The following DAAM2 variants were observed in gnomAD, a reference collection of about 807,000 sequenced individuals.
DAAM2 encodes disheveled-associated activator of morphogenesis 2.
DAAM2 carries 39 observed loss-of-function variants against 120.7 expected under a neutral mutation model. The observed-to-expected ratio is 0.32, with a 90% CI of 0.25 to 0.42. DAAM2 has a LOEUF of 0.42. Among genes scored for constraint, DAAM2 ranks in the 10% least tolerant of loss-of-function variants. The probability of loss-of-function intolerance (pLI) is 1.00; values close to 1 mark genes in which losing one functional copy is unlikely to be tolerated. For missense variants in DAAM2, 1,283 were observed against 1,401.7 expected (o/e 0.92, Z 1.35); for synonymous variants, 488 against 524.9 (o/e 0.93, Z 0.96).
intron 3 of DAAM2, chr6:39,861,630 CG>C (rs1290015020): frequency 6.0e-6 from 1 of 166,226 alleles, no homozygotes; most frequent in Non-Finnish European, 1.3e-5. Context: ...TCTCCATCTC[CG>C]TGTTTCTTCA....
chr6:39,852,318 G>A (rs1179050104), intron 1 of DAAM2, among the ~76,000 whole-genome samples: 1 of 152,154 alleles, frequency 6.6e-6, no homozygotes, highest in Non-Finnish European at 1.5e-5. Context: ...ATGAATTCCT[G>A]TGGCCACTTC....
chr6:39,891,101 A>AG (rs1765685509), intron 17 of DAAM2, among the ~76,000 whole-genome samples: 1 of 151,596 alleles, frequency 6.6e-6, no homozygotes, highest in African/African-American at 2.4e-5. Context: ...AAAAAAAAAA[A>AG]AAAAGAAAGA....
intron 1 of DAAM2, among the ~76,000 whole-genome samples, chr6:39,849,173 T>C (rs1360188971): frequency 2.0e-5 from 3 of 152,170 alleles, no homozygotes; most frequent in Non-Finnish European, 2.9e-5. Flanking sequence ...ATAGTAAGTG[T>C]TTTTGGCTTT....
rs1474832921 is a variant in DAAM2 at position 39,902,181 on chromosome 6, G to A, written c.*144G>A. On this transcript the variant is annotated 3_prime_UTR_variant, in exon 25 of 25. Transcript: ENST00000274867. The stretch of plus-strand genomic sequence containing the variant: ...CTGGGATGGGGGGCTGTGTGTGGCT[G>A]GACCAGGTGTCTCCCCACGCTTACC... The A allele has an allele frequency of 5.0e-6, 3 of 594,860 alleles. No individual in the cohort carries two copies. The highest frequency in any genetic ancestry group is 6.7e-5 in the Admixed American group (2 of 29,704). 36.8% of individuals were successfully genotyped at this position (594,860 alleles called of 1,614,324 possible).
Position 39,888,745 on chromosome 6 carries a change from T to A in DAAM2, c.2127T>A (p.Ala709=), listed in dbSNP as rs570172499. 8.2e-5 allele frequency: 133 copies of A among 1,612,644 alleles called. No homozygotes were observed. In the South Asian group the frequency reaches 1.4e-3, roughly 17 times the overall value. ...ILKMDEQEDL[A]KDMLEQLLKF... ...AGATGGATGAGCAGGAGGACCTTGC[T>A]AAGGACATGCTGGAGCAGGTGAGGA... Residue 709 remains alanine, a synonymous_variant, in exon 17 of 25, where the codon GCT becomes GCA. Transcript: ENST00000274867.
intron 1 of DAAM2, among the ~76,000 whole-genome samples, chr6:39,799,929 T>C (rs1435165886): frequency 6.6e-6 from 1 of 152,230 alleles, no homozygotes; most frequent in Non-Finnish European, 1.5e-5. Context: ...GTATTTTGCC[T>C]GAGTATTTTT....
chr6:39,819,848 T>C (rs1426818493), intron 1 of DAAM2: 1 of 152,246 alleles, frequency 6.6e-6, no homozygotes, highest in African/African-American at 2.4e-5. Context: ...TATAAGGGCA[T>C]GAATCCCGTT....
intron 1 of DAAM2, among the ~76,000 whole-genome samples, chr6:39,811,695 C>A (rs1762166451): frequency 6.6e-6 from 1 of 152,162 alleles, no homozygotes; most frequent in African/African-American, 2.4e-5. Context: ...GTTTGGCCTT[C>A]TCTGTTAGGC....
chr6:39,894,850 C>T (rs1765975376), intron 19 of DAAM2, among the ~76,000 whole-genome samples: 1 of 152,090 alleles, frequency 6.6e-6, no homozygotes, highest in African/African-American at 2.4e-5. Context: ...AACTCCTGGG[C>T]CCAAGTGATC....
chr6:39,879,550 C>T (rs751386947), intron 14 of DAAM2, 73 bp downstream of exon 14: 13 of 1,591,914 alleles, frequency 8.2e-6, no homozygotes, highest in Non-Finnish European at 8.6e-6. Flanking sequence ...ACCACCCGCC[C>T]CTTGTTTACA....
In DAAM2 at chr6:39,902,012, G is replaced by C; in HGVS notation, c.3182G>C (p.Arg1061Pro). The change falls in exon 25 of 25, where the codon CGG becomes CCG. Residue 1061 changes from arginine to proline, a missense_variant. Physicochemically the swap from Arg to Pro is moderately radical, Grantham distance 103. Around this residue, in one of 3 missense-constraint regions of DAAM2, gnomAD observed 748 missense variants for 768.6 expected, o/e 0.97. Transcript: ENST00000274867. ...GSQALEVTRE[R>P]AINRLNY Reference sequence around the variant, plus strand: ...CAGGCCCTGGAAGTTACCCGGGAGCGGGCAATAAACCGGCTAAATTATTGA... The same window carrying C: ...CAGGCCCTGGAAGTTACCCGGGAGCCGGCAATAAACCGGCTAAATTATTGA... 1 of 1,609,902 alleles carries C rather than the reference G, an allele frequency of 6.2e-7. No individual in the cohort carries two copies. The highest frequency in any genetic ancestry group is 1.1e-5 in the South Asian group (1 of 90,684).
intron 1 of DAAM2, chr6:39,819,879 GA>G (rs1271976858): frequency 2.0e-5 from 3 of 152,218 alleles, no homozygotes; most frequent in African/African-American, 7.2e-5. Context: ...CCACCCTCAT[GA>G]CCTAATCATA....
At chr6:39,864,352 C>T (rs1211628079) in intron 3 of DAAM2, 81 bp from the exon 4 acceptor site, 1 of 1,089,244 alleles carries the variant, frequency 9.2e-7, no homozygotes, top group Non-Finnish European at 1.4e-6. Flanking sequence ...AATCCCTCTG[C>T]TGACACGGAA....
At position 39,904,285 on chromosome 6, in the gene DAAM2, T is replaced by A; in HGVS notation, c.*2248T>A. 4.4e-6 allele frequency: 2 copies of A among 456,764 alleles called. No individual in the cohort carries two copies. The highest frequency in any genetic ancestry group is 3.1e-5 in the South Asian group (2 of 64,568). 28.3% of individuals were successfully genotyped at this position (456,764 alleles called of 1,614,324 possible). A position where few individuals can be genotyped will look rare whatever the true frequency, so the allele number is the denominator to read the frequency against. Reference sequence around the variant, plus strand: ...ACTCTAAAAGAAAGATATTTTTCTATTTATTTTCTACATCTGGCCAGTGGC... The same window carrying A: ...ACTCTAAAAGAAAGATATTTTTCTAATTATTTTCTACATCTGGCCAGTGGC... On this transcript the variant is annotated 3_prime_UTR_variant, in exon 25 of 25. Transcript: ENST00000274867.
chr6:39,897,732 C>G (rs1023031158), intron 21 of DAAM2, among the ~76,000 whole-genome samples: 3 of 152,054 alleles, frequency 2.0e-5, no homozygotes, highest in Admixed American at 6.6e-5. Flanking sequence ...TAAATCTCCA[C>G]CTAGGGGTGT....
At chr6:39,806,854 A>G (rs1447055297) in intron 1 of DAAM2, among the ~76,000 whole-genome samples, 4 of 134,246 alleles carry the variant, frequency 3.0e-5, no homozygotes, top group South Asian at 5.3e-4. Flanking sequence ...AAAAAAAAAA[A>G]AGAAAAGAAA....
Position 39,897,228 on chromosome 6 carries a change from A to T in DAAM2, c.2564A>T (p.Asp855Val), listed in dbSNP as rs1313398150. Residue 855 changes from aspartate (D) to valine (V), a missense_variant, in exon 21 of 25, where the codon GAT becomes GTT. Physicochemically the swap from Asp to Val is radical, Grantham distance 152 (BLOSUM62 -3). This residue lies in a region of DAAM2 where 748 missense variants were observed against 768.6 expected (regional missense o/e 0.97). Coordinates refer to ENST00000274867, the MANE Select transcript of DAAM2 (RefSeq NM_001201427.2). ...ATGATCCTGGAGAAGCATTTTCCTG[A>T]TATTCTAAACATGCCTTCAGAGCTG... ...LIMILEKHFP[D>V]ILNMPSELQH... 6.2e-7 allele frequency: 1 copy of T among 1,613,776 alleles called. No individual in the cohort carries two copies. Among genetic ancestry groups the T allele is most frequent in the Non-Finnish European group, 8.5e-7 (1 of 1,179,780 alleles).
At chr6:39,868,083 T>C in intron 6 of DAAM2, 1 of 523,628 alleles carries the variant, frequency 1.9e-6, no homozygotes, top group Non-Finnish European at 3.4e-6. Context: ...GTCTTCCTTA[T>C]TAGTCAGTGG....
At chr6:39,892,400 C>T (rs933269129) in intron 19 of DAAM2, among the ~76,000 whole-genome samples, 1 of 152,194 alleles carries the variant, frequency 6.6e-6, no homozygotes, top group African/African-American at 2.4e-5. Flanking sequence ...GAGGCTGTGA[C>T]ACTGGTGAGT....
Sources: gnomAD v4.1 joint callset for allele counts (sites outside exome capture counted in the v4.1 genomes callset) on GRCh38, gnomAD v4.1.1 for gene constraint, gnomAD v4.1.1 regional missense constraint, MANE v1.5 for transcripts, NCBI Gene and HGNC (gene_info 2026-07-23, HGNC 2026-07-21) for gene names.